PALM2AKAP2: variants seen among roughly 807,000 people sequenced by gnomAD.
PALM2AKAP2 encodes PALM2-AKAP2 fusion protein.
A neutral mutation model predicts 71.5 loss-of-function variants in PALM2AKAP2; 37 were observed. The observed-to-expected ratio is 0.52, with a 90% CI of 0.40 to 0.68. PALM2AKAP2 has a LOEUF of 0.68. Ranked by LOEUF, PALM2AKAP2 falls within the 30% of genes least tolerant of loss-of-function variation. PALM2AKAP2 has a pLI of 0.00. For missense variants in PALM2AKAP2, 1,224 were observed against 1,191.8 expected, an observed-to-expected ratio of 1.03 and a Z score of -0.40; for synonymous variants, 468 against 478.8, an observed-to-expected ratio of 0.98 and a Z score of 0.29.
At chr9:109,859,050 T>G (rs2131659271) in intron 1 of PALM2AKAP2, among the ~76,000 whole-genome samples, 1 of 152,334 alleles carries the variant, frequency 6.6e-6, no homozygotes, top group African/African-American at 2.4e-5. Context: ...ATAGGCCAGA[T>G]ATATTAACTG....
At chr9:110,068,640 TCCCA>T (rs1266984602) in intron 1 of PALM2AKAP2, among the ~76,000 whole-genome samples, 1 of 151,968 alleles carries the variant, frequency 6.6e-6, no homozygotes, top group Non-Finnish European at 1.5e-5. Context: ...CAAGCGATCC[TCCCA>T]CCTCAGCCTC....
intron 1 of PALM2AKAP2, among the ~76,000 whole-genome samples, chr9:109,741,432 C>A (rs1437869460): frequency 6.6e-6 from 1 of 152,158 alleles, no homozygotes; most frequent in Non-Finnish European, 1.5e-5. Context: ...TTGAACAGGT[C>A]TTATTGTGCA....
chr9:109,846,933 C>T (rs1398991946), intron 1 of PALM2AKAP2, among the ~76,000 whole-genome samples: 1 of 152,226 alleles, frequency 6.6e-6, no homozygotes, highest in East Asian at 1.9e-4. Context: ...GTCATTTGAA[C>T]AATTTCCATT....
intron 2 of PALM2AKAP2, among the ~76,000 whole-genome samples, chr9:110,145,304 C>T: frequency 6.6e-6 from 1 of 152,198 alleles, no homozygotes; most frequent in East Asian, 1.9e-4. Flanking sequence ...GTCCAAAGAT[C>T]TGAGCGGATA....
chr9:110,148,390 T>G (rs1587861255), intron 2 of PALM2AKAP2: 2 of 152,204 alleles, frequency 1.3e-5, no homozygotes, highest in East Asian at 3.9e-4. Context: ...TTCTCATTTC[T>G]GAGCTAAGTT....
At chr9:110,113,046 A>G (rs1329632221) in intron 1 of PALM2AKAP2, among the ~76,000 whole-genome samples, 1 of 152,132 alleles carries the variant, frequency 6.6e-6, no homozygotes, top group African/African-American at 2.4e-5. Flanking sequence ...CAGCTCTGTG[A>G]CAGGCTTTGT....
chr9:110,032,720 AAATAAATAAATAAATAAAT>A (rs1833305255), intron 7 of PALM2AKAP2, among the ~76,000 whole-genome samples: 1 of 144,260 alleles, frequency 6.9e-6, no homozygotes, highest in East Asian at 2.0e-4. Flanking sequence ...ATAAATAAAT[AAATAAATAAATAAATAAAT>A]AAAATAAAAA....
At chr9:109,763,122 A>G (rs1829084305) in intron 1 of PALM2AKAP2, among the ~76,000 whole-genome samples, 1 of 152,182 alleles carries the variant, frequency 6.6e-6, no homozygotes. Context: ...GCAGGTCCCA[A>G]AAGCAGGGCT....
At chr9:109,894,597 G>A (rs1438064527) in intron 3 of PALM2AKAP2, among the ~76,000 whole-genome samples, 1 of 152,136 alleles carries the variant, frequency 6.6e-6, no homozygotes, top group Admixed American at 6.5e-5. Flanking sequence ...TACTGAATAG[G>A]GTAGAGACAA....
intron 1 of PALM2AKAP2, among the ~76,000 whole-genome samples, chr9:110,074,474 G>T (rs957991657): frequency 1.3e-5 from 2 of 152,122 alleles, no homozygotes; most frequent in African/African-American, 4.8e-5. Context: ...TTTGCATGAG[G>T]TCTATGGTTT....
intron 2 of PALM2AKAP2, among the ~76,000 whole-genome samples, chr9:109,879,949 C>T (rs1201574125): frequency 6.6e-6 from 1 of 152,158 alleles, no homozygotes; most frequent in Non-Finnish European, 1.5e-5. Flanking sequence ...CCTCCTGCCT[C>T]AGCCTCCCAA....
intron 7 of PALM2AKAP2, among the ~76,000 whole-genome samples, chr9:110,027,661 G>A (rs1833205527): frequency 6.6e-6 from 1 of 152,192 alleles, no homozygotes; most frequent in South Asian, 2.1e-4. Flanking sequence ...TTTAAAAAAG[G>A]ATGTTGCTTC....
chr9:109,807,909 A>G (rs886300450), intron 1 of PALM2AKAP2, among the ~76,000 whole-genome samples: 3 of 152,160 alleles, frequency 2.0e-5, no homozygotes, highest in African/African-American at 7.2e-5. Flanking sequence ...TGATTTTATA[A>G]GGGGCTTTTT....
At chr9:109,723,551 G>A (rs1449212161) in intron 1 of PALM2AKAP2, among the ~76,000 whole-genome samples, 1 of 152,194 alleles carries the variant, frequency 6.6e-6, no homozygotes, top group African/African-American at 2.4e-5. Flanking sequence ...AGACCTCTGT[G>A]CTCTGCATGG....
intron 1 of PALM2AKAP2, among the ~76,000 whole-genome samples, chr9:110,094,883 G>A (rs922425185): frequency 6.6e-6 from 1 of 152,188 alleles, no homozygotes; most frequent in Admixed American, 6.5e-5. Context: ...AAGAAGTATT[G>A]TTAGCATAGT....
At chr9:109,718,405 C>T (rs868104516) in intron 1 of PALM2AKAP2, among the ~76,000 whole-genome samples, 5 of 152,096 alleles carry the variant, frequency 3.3e-5, no homozygotes, top group Admixed American at 2.0e-4. Flanking sequence ...TTAGGTATTA[C>T]ACAAAAATGT....
intron 7 of PALM2AKAP2, among the ~76,000 whole-genome samples, chr9:110,027,762 C>T (rs1337154488): frequency 6.6e-6 from 1 of 152,250 alleles, no homozygotes; most frequent in Non-Finnish European, 1.5e-5. Flanking sequence ...TAGACTCTTC[C>T]GGTGGTGAAT....
intron 6 of PALM2AKAP2, among the ~76,000 whole-genome samples, chr9:109,953,832 C>G (rs1318468424): frequency 9.6e-6 from 1 of 104,068 alleles, no homozygotes; most frequent in Non-Finnish European, 1.8e-5. Flanking sequence ...AAGACTCCAT[C>G]TCAAAAAAAA....
intron 1 of PALM2AKAP2, among the ~76,000 whole-genome samples, chr9:109,643,147 G>A (rs1046125053): frequency 5.3e-5 from 8 of 152,198 alleles, no homozygotes; most frequent in Non-Finnish European, 8.8e-5. Context: ...GACAATGCCT[G>A]AAGGGCAATT....
Sources: allele counts gnomAD v4.1 joint callset (sites outside exome capture counted in the v4.1 genomes callset), GRCh38; gene constraint gnomAD v4.1.1; transcripts MANE v1.5; gene names NCBI Gene and HGNC (gene_info 2026-07-23, HGNC 2026-07-21).